RYR3: variants seen among roughly 807,000 people sequenced by gnomAD.
RYR3 encodes brain ryanodine receptor-calcium release channel.
Under a neutral mutation model 584.3 loss-of-function variants are expected in RYR3, and 207 were observed. The ratio of observed to expected loss-of-function variants is 0.35; its 90% confidence interval spans 0.32 to 0.40. The LOEUF (loss-of-function observed/expected upper bound fraction) is 0.40, where lower values mean the gene tolerates loss of function less well. RYR3 is among the 10% of genes least tolerant of loss of function. The pLI is 1.00. For synonymous variants in RYR3, 2,416 were observed against 2,248.5 expected (o/e 1.07, Z -2.11); for missense variants, 5,616 against 6,089.2 (o/e 0.92, Z 2.59).
intron 94 of RYR3, chr15:33,851,712 TAGG>T (rs1245326096): frequency 3.3e-5 from 5 of 152,154 alleles, no homozygotes; most frequent in Admixed American, 2.0e-4. Flanking sequence ...ATCTTCTGCT[TAGG>T]AGAAAATGCG....
At chr15:33,554,486 C>T (rs969610728) in intron 10 of RYR3, among the ~76,000 whole-genome samples, 31 of 151,922 alleles carry the variant, frequency 2.0e-4, no homozygotes, top group African/African-American at 7.0e-4. Context: ...TTAGTAGAGA[C>T]GGGGTTTCAC....
chr15:33,819,948 C>A, intron 77 of RYR3, 141 bp downstream of exon 77: 1 of 560,084 alleles, frequency 1.8e-6, no homozygotes, highest in Non-Finnish European at 3.1e-6. Flanking sequence ...AATTCATGTG[C>A]CATAGAGATG....
At chr15:33,798,836 A>T (rs1029657942) in intron 67 of RYR3, among the ~76,000 whole-genome samples, 2 of 152,212 alleles carry the variant, frequency 1.3e-5, no homozygotes, top group African/African-American at 4.8e-5. Context: ...AAGGGCAGTA[A>T]GGAATTCAGG....
intron 7 of RYR3, among the ~76,000 whole-genome samples, chr15:33,541,542 A>C (rs1451335643): frequency 6.6e-6 from 1 of 152,192 alleles, no homozygotes; most frequent in East Asian, 1.9e-4. Flanking sequence ...TGAGAAGAAT[A>C]ATCAAATGTC....
chr15:33,606,498 T>A (rs1452972781), intron 18 of RYR3, among the ~76,000 whole-genome samples: 1 of 152,210 alleles, frequency 6.6e-6, no homozygotes, highest in African/African-American at 2.4e-5. Context: ...ATGAGCTTTT[T>A]CTCTGTGTAG....
At chr15:33,545,544 G>C (rs548629825) in intron 8 of RYR3, among the ~76,000 whole-genome samples, 1 of 152,216 alleles carries the variant, frequency 6.6e-6, no homozygotes, top group East Asian at 1.9e-4. Context: ...ATAAGGAAGC[G>C]TGAAGGGTTT....
chr15:33,389,280 A>G (rs2041838988), intron 1 of RYR3, among the ~76,000 whole-genome samples: 1 of 152,198 alleles, frequency 6.6e-6, no homozygotes, highest in Admixed American at 6.5e-5. Flanking sequence ...AGTAATTACA[A>G]AGGAAACCCA....
chr15:33,731,764 A>G (rs1484340640), intron 48 of RYR3, 70 bp downstream of exon 48: 2 of 1,091,886 alleles, frequency 1.8e-6, no homozygotes, highest in Non-Finnish European at 2.7e-6. Flanking sequence ...TATGTAATCT[A>G]AAAACTGGTG....
At chr15:33,368,329 C>G (rs1975789175) in intron 1 of RYR3, among the ~76,000 whole-genome samples, 1 of 146,510 alleles carries the variant, frequency 6.8e-6, no homozygotes, top group Non-Finnish European at 1.5e-5. Context: ...TTCATTGTAG[C>G]CTTCCTGTCT....
rs1175916957 is a variant in RYR3, at chr15:33,532,527, T to C, written c.355-784T>C. Among the ~76,000 whole-genome samples, 5 of 152,198 alleles carry C rather than the reference T, an allele frequency of 3.3e-5. No individual in the cohort carries two copies. The South Asian group carries it at 1.0e-3, about 32-fold the overall frequency. ...TACAGGTTAACTTATAATTGTACTA[T>C]TTTATATATTACTTTTTAGCTTCAT... On this transcript the variant is annotated intron_variant, in intron 4 of 103. Coordinates refer to ENST00000634891, the MANE Select transcript of RYR3 (RefSeq NM_001036.6).
intron 1 of RYR3, among the ~76,000 whole-genome samples, chr15:33,405,083 T>C (rs997214637): frequency 6.6e-6 from 1 of 152,194 alleles, no homozygotes; most frequent in Non-Finnish European, 1.5e-5. Flanking sequence ...TGAGATAATG[T>C]TTATGGAAAC....
In RYR3 at chr15:33,801,980, A is replaced by C. The variant is rs771039427; in HGVS notation, c.10011+19A>C. On this transcript the variant is annotated intron_variant, in intron 69 of 103. Transcript: ENST00000634891. ...GTCAAAAGTAAGTCCTTAGAAATCA[A>C]TTCCAAAAACTCTTCAACCCTAACC... is the stretch of plus-strand genomic sequence containing the variant. 1.4e-6 allele frequency: 2 copies of C among 1,462,690 alleles called. No individual in the cohort carries two copies. Among genetic ancestry groups the C allele is most frequent in the South Asian group, 1.1e-5 (1 of 87,258 alleles). 90.6% of individuals were successfully genotyped at this position (1,462,690 alleles called of 1,614,324 possible).
chr15:33,693,320 G>A (rs142178764), intron 38 of RYR3, among the ~76,000 whole-genome samples: 26 of 152,316 alleles, frequency 1.7e-4, no homozygotes, highest in African/African-American at 4.8e-4. Context: ...CTCCAGCAGC[G>A]CCCAGGTCCT....
intron 1 of RYR3, among the ~76,000 whole-genome samples, chr15:33,350,712 C>A (rs976643163): frequency 1.3e-5 from 2 of 151,982 alleles, no homozygotes; most frequent in Non-Finnish European, 2.9e-5. Context: ...TTGAAACCAA[C>A]GAGAACAAAG....
intron 94 of RYR3, among the ~76,000 whole-genome samples, chr15:33,848,622 G>A (rs758464520): frequency 6.6e-6 from 1 of 152,164 alleles, no homozygotes; most frequent in African/African-American, 2.4e-5. Flanking sequence ...GGGGACAGAA[G>A]ATATTATCAG....
intron 95 of RYR3, 66 bp downstream of exon 95, chr15:33,853,153 C>G: frequency 1.5e-6 from 2 of 1,316,146 alleles, no homozygotes; most frequent in Middle Eastern, 1.9e-4. Flanking sequence ...TTTTTAAGTT[C>G]TCCACATACA....
At chr15:33,400,417 A>G (rs1432985910) in intron 1 of RYR3, among the ~76,000 whole-genome samples, 2 of 152,118 alleles carry the variant, frequency 1.3e-5, no homozygotes, top group Non-Finnish European at 2.9e-5. Context: ...TTTTCCTTTA[A>G]AGCCCGTTCC....
intron 48 of RYR3, among the ~76,000 whole-genome samples, chr15:33,732,334 G>A (rs1173846433): frequency 6.7e-6 from 1 of 149,470 alleles, no homozygotes; most frequent in Non-Finnish European, 1.5e-5. Context: ...CTTGCAGTGA[G>A]CCGAGATCAT....
chr15:33,554,386 C>G (rs369861613), intron 10 of RYR3, among the ~76,000 whole-genome samples: 15 of 151,418 alleles, frequency 9.9e-5, no homozygotes, highest in South Asian at 4.2e-4. Flanking sequence ...AGCTCCGCCT[C>G]CCGGCTTCAC....
Sources: gnomAD v4.1 joint callset for allele counts (sites outside exome capture counted in the v4.1 genomes callset) on GRCh38, gnomAD v4.1.1 for gene constraint, MANE v1.5 for transcripts, NCBI Gene and HGNC (gene_info 2026-07-23, HGNC 2026-07-21) for gene names.